Variants in PPP2R3A observed in about 807,000 individuals in gnomAD.
PPP2R3A encodes protein phosphatase 2 regulatory subunit B''alpha, also known as serine/threonine-protein phosphatase 2A regulatory subunit B'' subunit alpha.
Under a neutral mutation model 106.9 loss-of-function variants are expected in PPP2R3A, and 80 were observed. That is an observed-to-expected ratio of 0.75 (90% CI 0.62 to 0.90). The LOEUF is 0.90. Ranked by LOEUF, PPP2R3A falls within the 40% of genes least tolerant of loss-of-function variation. The pLI is 0.00. For synonymous variants in PPP2R3A, 483 were observed against 468.3 expected, an observed-to-expected ratio of 1.03 and a Z score of -0.41; for missense variants, 1,386 against 1,350.4, an observed-to-expected ratio of 1.03 and a Z score of -0.41.
chr3:136,092,737 T>C (rs561660954), intron 10 of PPP2R3A, among the ~76,000 whole-genome samples: 1 of 152,166 alleles, frequency 6.6e-6, no homozygotes, highest in Non-Finnish European at 1.5e-5. Context: ...GCTAATTGAT[T>C]TGCAACAAGG....
intron 6 of PPP2R3A, among the ~76,000 whole-genome samples, chr3:136,076,851 G>A (rs2107920194): frequency 6.6e-6 from 1 of 152,158 alleles, no homozygotes; most frequent in South Asian, 2.1e-4. Flanking sequence ...GGAGGCTGAG[G>A]CAGGAGAATG....
intron 1 of PPP2R3A, among the ~76,000 whole-genome samples, chr3:135,988,593 A>G (rs1351848160): frequency 6.6e-6 from 1 of 152,120 alleles, no homozygotes; most frequent in Non-Finnish European, 1.5e-5. Flanking sequence ...AGCAAAGTCT[A>G]GTCACACTGG....
chr3:136,045,355 C>T (rs1216249467), intron 4 of PPP2R3A, among the ~76,000 whole-genome samples: 2 of 152,226 alleles, frequency 1.3e-5, no homozygotes, highest in African/African-American at 4.8e-5. Flanking sequence ...GGTTAGAGCA[C>T]ACAGTCCAGG....
intron 3 of PPP2R3A, among the ~76,000 whole-genome samples, chr3:136,028,974 T>C (rs1307125637): frequency 6.6e-6 from 1 of 152,174 alleles, no homozygotes; most frequent in African/African-American, 2.4e-5. Flanking sequence ...TGCCTCAGCC[T>C]CCCAAGTAGC....
intron 2 of PPP2R3A, among the ~76,000 whole-genome samples, chr3:136,012,306 C>T (rs1934112858): frequency 6.6e-6 from 1 of 152,128 alleles, no homozygotes; most frequent in African/African-American, 2.4e-5. Flanking sequence ...TCTAATTCTT[C>T]CTTGCTGCCC....
chr3:136,026,062 T>C (rs1164293166), intron 2 of PPP2R3A, among the ~76,000 whole-genome samples: 1 of 152,198 alleles, frequency 6.6e-6, no homozygotes, highest in Non-Finnish European at 1.5e-5. Flanking sequence ...CTAATGTCTC[T>C]TTATAGTATG....
intron 2 of PPP2R3A, among the ~76,000 whole-genome samples, chr3:136,026,458 G>A (rs1934660044): frequency 6.6e-6 from 1 of 152,094 alleles, no homozygotes; most frequent in South Asian, 2.1e-4. Context: ...GTCACAGAAA[G>A]ACCAAGAACT....
At chr3:135,973,828 G>A (rs913881409) in intron 1 of PPP2R3A, among the ~76,000 whole-genome samples, 6 of 152,178 alleles carry the variant, frequency 3.9e-5, no homozygotes, top group African/African-American at 1.2e-4. Flanking sequence ...AGATACCGGA[G>A]ATATAGTGCC....
rs767640573 is a variant in PPP2R3A at position 136,106,332 on chromosome 3, T to C, written c.3329+10T>C. 6.2e-7 allele frequency: 1 copy of C among 1,608,130 alleles called. No individual in the cohort carries two copies. Among genetic ancestry groups the C allele is most frequent in the Non-Finnish European group, 8.5e-7 (1 of 1,174,806 alleles). On this transcript the variant is annotated intron_variant, in intron 13 of 13. Transcript: ENST00000264977. ...CACAATTCCAGGAAGGGTGAGTAAG[T>C]TTCCCTATGTCTTATAGAATTTTTA... is the stretch of plus-strand genomic sequence containing the variant.
chr3:136,132,114 G>A, intron 13 of PPP2R3A, among the ~76,000 whole-genome samples: 1 of 151,758 alleles, frequency 6.6e-6, no homozygotes, highest in Non-Finnish European at 1.5e-5. Flanking sequence ...GTATACCTAT[G>A]TATCAAATCT....
chr3:135,974,372 G>A (rs1455532812), intron 1 of PPP2R3A, among the ~76,000 whole-genome samples: 1 of 152,126 alleles, frequency 6.6e-6, no homozygotes, highest in Non-Finnish European at 1.5e-5. Flanking sequence ...CTGCAGTAAC[G>A]TCTTTTCCTT....
Position 136,082,260 on chromosome 3 carries a change from T to G in PPP2R3A, c.2632-5T>G. 6.4e-7 allele frequency: 1 copy of G among 1,574,498 alleles called. No individual in the cohort carries two copies. Among genetic ancestry groups the G allele is most frequent in the Non-Finnish European group, 8.7e-7 (1 of 1,144,950 alleles). On this transcript the variant is annotated splice_region_variant and splice_polypyrimidine_tract_variant and intron_variant, in intron 7 of 13. Transcript: ENST00000264977. ...GTTTAAATTCTTCTTTTCATATAAT[T>G]TCAGACCCTAGCACTTTTGGAAGAA... is the stretch of plus-strand genomic sequence containing the variant.
chr3:135,976,495 T>A (rs1937424582), intron 1 of PPP2R3A, among the ~76,000 whole-genome samples: 1 of 152,250 alleles, frequency 6.6e-6, no homozygotes, highest in African/African-American at 2.4e-5. Flanking sequence ...AGCACTCATA[T>A]TGCATTTTTC....
intron 1 of PPP2R3A, among the ~76,000 whole-genome samples, chr3:135,999,305 C>T (rs1207983345): frequency 1.3e-5 from 2 of 152,114 alleles, no homozygotes; most frequent in Non-Finnish European, 2.9e-5. Context: ...AGGTTAACCA[C>T]CTTATATTAG....
At position 136,043,130 on chromosome 3, in the gene PPP2R3A, TA is replaced by T. The variant is rs879738665; in HGVS notation, c.2366+2179del. Among the ~76,000 whole-genome samples the T allele has an allele frequency of 1.1e-3, 167 of 145,380 alleles. 1 individual carries two copies. Among genetic ancestry groups the T allele is most frequent in the South Asian group, 8.5e-3 (39 of 4,594 alleles). ...TTGCTCCAGTAGCTCTACATAATCTTAAAAAAAAAAAGAGTCAAATATAAAA... is the reference window on the plus strand; with the variant it reads ...TTGCTCCAGTAGCTCTACATAATCTTAAAAAAAAAAGAGTCAAATATAAAA... On this transcript the variant is annotated intron_variant, in intron 4 of 13. Transcript: ENST00000264977.
At chr3:135,979,844 A>G (rs1576407960) in intron 1 of PPP2R3A, among the ~76,000 whole-genome samples, 1 of 151,914 alleles carries the variant, frequency 6.6e-6, no homozygotes, top group Non-Finnish European at 1.5e-5. Flanking sequence ...GCTGAAAGAA[A>G]AATAGATGAT....
At chr3:136,123,927 C>G (rs1435941728) in intron 13 of PPP2R3A, among the ~76,000 whole-genome samples, 2 of 152,132 alleles carry the variant, frequency 1.3e-5, no homozygotes, top group African/African-American at 4.8e-5. Flanking sequence ...CACAAAACAA[C>G]AAAAATATAT....
At chr3:136,021,400 A>G (rs1014141642) in intron 2 of PPP2R3A, among the ~76,000 whole-genome samples, 1 of 152,094 alleles carries the variant, frequency 6.6e-6, no homozygotes, top group Non-Finnish European at 1.5e-5. Flanking sequence ...TTTGATGTGA[A>G]CAGAAGACTC....
At position 135,975,682 on chromosome 3, in the gene PPP2R3A, A is replaced by G. The variant is rs76358834; in HGVS notation, c.-441+9833A>G. On this transcript the variant is annotated intron_variant, in intron 1 of 13. Coordinates refer to ENST00000264977, the MANE Select transcript of PPP2R3A (RefSeq NM_002718.5). ...TTTCCGTGTTTTAAACATTACTGCA[A>G]TGAACATCCTGGTACTTGGGCAAAT... Among the ~76,000 whole-genome samples, 1,174 of 152,312 alleles carry G rather than the reference A, an allele frequency of 7.7e-3. 19 individuals are homozygous for G. The highest frequency in any genetic ancestry group is 0.027 in the African/African-American group (1,109 of 41,562).
Sources: allele counts gnomAD v4.1 joint callset (sites outside exome capture counted in the v4.1 genomes callset), GRCh38; gene constraint gnomAD v4.1.1; transcripts MANE v1.5; gene names NCBI Gene and HGNC (gene_info 2026-07-23, HGNC 2026-07-21).